Variants in LSAMP observed in about 807,000 individuals in gnomAD.
The protein encoded by LSAMP is limbic system-associated membrane protein.
A neutral mutation model predicts 38.6 loss-of-function variants in LSAMP; 7 were observed. The ratio of observed to expected loss-of-function variants is 0.18; its 90% CI spans 0.10 to 0.34. The LOEUF is 0.34. Ranked by LOEUF, LSAMP falls within the 10% of genes least tolerant of loss-of-function variation. LSAMP has a pLI of 1.00. For missense variants in LSAMP, 313 were observed against 420.0 expected (o/e 0.75, Z 2.23); for synonymous variants, 154 against 166.8 (o/e 0.92, Z 0.59).
intron 6 of LSAMP, among the ~76,000 whole-genome samples, chr3:115,832,433 T>C (rs1476768853): frequency 6.6e-6 from 1 of 152,226 alleles, no homozygotes; most frequent in Non-Finnish European, 1.5e-5. Context: ...TAAATGAAGA[T>C]ACCTTGCATT....
chr3:115,923,934 G>T lies in LSAMP; in HGVS notation c.515-71317C>A, dbSNP rs111290627. On this transcript the variant is annotated intron_variant, in intron 3 of 6. Coordinates refer to ENST00000490035, the MANE Select transcript of LSAMP (RefSeq NM_002338.5). The stretch of plus-strand genomic sequence containing the variant: ...GTGTCTCCAAACATTTTAAGGAGAG[G>T]AGCACTACATAAATTTATCTGTTTC... Among the ~76,000 whole-genome samples the T allele has an allele frequency of 9.7e-3, 1,474 of 152,118 alleles. 7 individuals carry two copies. Among genetic ancestry groups the T allele is most frequent in the Non-Finnish European group, 0.017 (1,164 of 67,990 alleles).
At chr3:116,001,764 CCTTGG>C (rs1254741962) in intron 3 of LSAMP, among the ~76,000 whole-genome samples, 1 of 152,170 alleles carries the variant, frequency 6.6e-6, no homozygotes, top group Non-Finnish European at 1.5e-5. Context: ...CTTCACATTC[CCTTGG>C]CACTCTGACC....
chr3:115,842,474 A>G lies in LSAMP; in HGVS notation c.754T>C (p.Tyr252His), dbSNP rs750917133. The G allele has an allele frequency of 2.5e-6, 4 of 1,613,928 alleles. No homozygotes were observed. Among genetic ancestry groups the G allele is most frequent in the Non-Finnish European group, 3.4e-6 (4 of 1,179,876 alleles). ...GGCACATACCTAGTGTCATCCCGGTACCACTCAAAGTCAGGTGCAGGCACT... is the reference window on the plus strand; with the variant it reads ...GGCACATACCTAGTGTCATCCCGGTGCCACTCAAAGTCAGGTGCAGGCACT... ...SAVPAPDFEW[Y>H]RDDTRINSAN... is the part of the protein sequence containing the mutation. Residue 252 changes from tyrosine to histidine, a missense_variant, in exon 5 of 7, where the codon TAC (tyrosine) becomes CAC (histidine). Physicochemically the swap from Tyr to His is moderately conservative, Grantham distance 83. Transcript: ENST00000490035.
At chr3:116,142,773 T>C (rs1709398572) in intron 1 of LSAMP, among the ~76,000 whole-genome samples, 1 of 151,852 alleles carries the variant, frequency 6.6e-6, no homozygotes, top group Non-Finnish European at 1.5e-5. Context: ...AATAGAAACA[T>C]CAGGTTTCAT....
intron 1 of LSAMP, among the ~76,000 whole-genome samples, chr3:116,142,313 G>A (rs1303361967): frequency 6.6e-6 from 1 of 152,012 alleles, no homozygotes; most frequent in Non-Finnish European, 1.5e-5. Context: ...TCCCAGGAAT[G>A]ACCCACCTAG....
intron 2 of LSAMP, among the ~76,000 whole-genome samples, chr3:116,043,008 T>C (rs1425968246): frequency 6.6e-6 from 1 of 152,168 alleles, no homozygotes; most frequent in Non-Finnish European, 1.5e-5. Context: ...ACCTTGGAAG[T>C]ATTGAAATTT....
intron 1 of LSAMP, among the ~76,000 whole-genome samples, chr3:116,395,396 T>C (rs980481408): frequency 3.3e-5 from 5 of 152,140 alleles, no homozygotes; most frequent in Non-Finnish European, 7.4e-5. Flanking sequence ...AAGTATAGCT[T>C]GAATATGGGA....
rs140040864 is a variant in LSAMP at position 116,152,535 on chromosome 3, GAA to G, written c.156-65981_156-65980del. 2.6e-3 allele frequency among the ~76,000 whole-genome samples: 394 copies of G among 152,138 alleles called. 3 individuals are homozygous for G. The highest frequency in any genetic ancestry group is 8.4e-3 in the African/African-American group (350 of 41,520). ...TACTAAATTGAGCTTGTATAATTTA[GAA>G]AGACTATTCATTTGTTCTCTCCACT... On this transcript the variant is annotated intron_variant, in intron 1 of 6. Transcript: ENST00000490035.
intron 1 of LSAMP, among the ~76,000 whole-genome samples, chr3:116,436,489 A>G (rs1421452825): frequency 6.6e-6 from 1 of 152,204 alleles, no homozygotes; most frequent in Admixed American, 6.5e-5. Context: ...AGTGACCTCA[A>G]ACAAATCAGT....
intron 1 of LSAMP, among the ~76,000 whole-genome samples, chr3:116,308,895 G>C (rs1490126339): frequency 6.6e-6 from 1 of 152,008 alleles, no homozygotes; most frequent in African/African-American, 2.4e-5. Flanking sequence ...TCTTTTGCTG[G>C]TAAAGCTTTG....
At chr3:116,001,721 G>GTC (rs991625381) in intron 3 of LSAMP, among the ~76,000 whole-genome samples, 3 of 152,094 alleles carry the variant, frequency 2.0e-5, no homozygotes, top group African/African-American at 7.2e-5. Context: ...GTATCTTCAA[G>GTC]TCTCTCTCTC....
At chr3:116,034,924 T>C (rs1425180763) in intron 2 of LSAMP, among the ~76,000 whole-genome samples, 2 of 152,292 alleles carry the variant, frequency 1.3e-5, no homozygotes, top group East Asian at 3.9e-4. Flanking sequence ...CGTAAAAGAA[T>C]GCAAAACATC....
intron 1 of LSAMP, among the ~76,000 whole-genome samples, chr3:116,151,662 G>A (rs1394890430): frequency 2.6e-5 from 4 of 152,022 alleles, no homozygotes; most frequent in African/African-American, 9.7e-5. Context: ...ATTGAACCTT[G>A]AGTGAACACG....
chr3:115,813,611 TACTC>T (rs1933913040), intron 6 of LSAMP, among the ~76,000 whole-genome samples: 1 of 152,196 alleles, frequency 6.6e-6, no homozygotes, highest in Non-Finnish European at 1.5e-5. Flanking sequence ...TTATATGACT[TACTC>T]TTTTCATAAC....
intron 1 of LSAMP, among the ~76,000 whole-genome samples, chr3:116,162,729 AGT>A (rs1709926757): frequency 6.7e-6 from 1 of 148,676 alleles, no homozygotes; most frequent in South Asian, 2.1e-4. Flanking sequence ...AGTGTGTGAG[AGT>A]GTGTGTGTAT....
intron 1 of LSAMP, among the ~76,000 whole-genome samples, chr3:116,123,528 G>C (rs1446147713): frequency 3.3e-5 from 5 of 152,166 alleles, no homozygotes; most frequent in Admixed American, 3.3e-4. Flanking sequence ...ATTACAAATT[G>C]ACTATGGAAC....
intron 1 of LSAMP, among the ~76,000 whole-genome samples, chr3:116,112,878 A>G (rs1246084464): frequency 1.3e-5 from 2 of 152,242 alleles, no homozygotes; most frequent in Admixed American, 6.5e-5. Context: ...TGTTGCAGAC[A>G]TAATCCCTGA....
intron 6 of LSAMP, among the ~76,000 whole-genome samples, chr3:115,821,542 A>T (rs954272330): frequency 4.1e-5 from 6 of 146,260 alleles, no homozygotes; most frequent in African/African-American, 1.5e-4. Context: ...CAGCCATTTG[A>T]AAAAGAAAAC....
intron 3 of LSAMP, among the ~76,000 whole-genome samples, chr3:115,943,338 C>T (rs1227975436): frequency 6.6e-6 from 1 of 152,146 alleles, no homozygotes; most frequent in African/African-American, 2.4e-5. Context: ...TTCCTTGAGA[C>T]CAGCTAGATA....
Sources: allele counts gnomAD v4.1 joint callset (sites outside exome capture counted in the v4.1 genomes callset), GRCh38; gene constraint gnomAD v4.1.1; transcripts MANE v1.5; gene names NCBI Gene and HGNC (gene_info 2026-07-23, HGNC 2026-07-21).